ADIPOR2: variants seen among roughly 807,000 people sequenced by gnomAD.
The protein encoded by ADIPOR2 is adiponectin receptor 2.
ADIPOR2 carries 18 observed loss-of-function variants against 40.9 expected under a neutral mutation model. The observed-to-expected ratio is 0.44, with a 90% confidence interval of 0.30 to 0.65. The LOEUF (loss-of-function observed/expected upper bound fraction) is 0.65. Among genes scored for constraint, ADIPOR2 ranks in the 30% least tolerant of loss-of-function variants. ADIPOR2 has a pLI of 0.09. For synonymous variants in ADIPOR2, 165 were observed against 166.4 expected, an observed-to-expected ratio of 0.99 and a Z score of 0.06; for missense variants, 283 against 479.2, an observed-to-expected ratio of 0.59 and a Z score of 3.82.
At chr12:1,765,842 C>A (rs945938329) in intron 2 of ADIPOR2, among the ~76,000 whole-genome samples, 2 of 152,052 alleles carry the variant, frequency 1.3e-5, no homozygotes, top group African/African-American at 4.8e-5. Flanking sequence ...GTCCACTCCC[C>A]CATCAGCTTT....
chr12:1,780,282 G>T, intron 4 of ADIPOR2, 169 bp from the exon 5 acceptor site: 1 of 592,688 alleles, frequency 1.7e-6, no homozygotes, highest in Non-Finnish European at 2.7e-6. Context: ...CAACAATGTT[G>T]GAAGTAAACC....
intron 1 of ADIPOR2, among the ~76,000 whole-genome samples, chr12:1,734,662 C>G (rs528649061): frequency 2.0e-5 from 3 of 152,186 alleles, no homozygotes; most frequent in Non-Finnish European, 4.4e-5. Context: ...GTGTTTTAGA[C>G]ATGAAGTCCT....
At position 1,764,685 on chromosome 12, in the gene ADIPOR2, A is replaced by G. The variant is rs560719596; in HGVS notation, c.172-8157A>G. Among the ~76,000 whole-genome samples, 18 of 152,194 alleles carry G rather than the reference A, an allele frequency of 1.2e-4. No individual in the cohort carries two copies. The South Asian group carries it at 3.5e-3, about 30-fold the overall frequency. Reference sequence around the variant, plus strand: ...CTGGAGGTCTCTTTATTACCTCCTCATAGTAACTGCCTATTCCCACTCCCC... The same window carrying G: ...CTGGAGGTCTCTTTATTACCTCCTCGTAGTAACTGCCTATTCCCACTCCCC... On this transcript the variant is annotated intron_variant, in intron 2 of 7. Coordinates refer to ENST00000357103, the MANE Select transcript of ADIPOR2 (RefSeq NM_024551.3).
intron 1 of ADIPOR2, among the ~76,000 whole-genome samples, chr12:1,737,690 C>T (rs1218842270): frequency 6.6e-6 from 1 of 152,086 alleles, no homozygotes; most frequent in African/African-American, 2.4e-5. Flanking sequence ...TCGAGCAATT[C>T]TTGTGCCCCA....
intron 1 of ADIPOR2, among the ~76,000 whole-genome samples, chr12:1,728,395 C>T (rs966248317): frequency 6.6e-6 from 1 of 151,844 alleles, no homozygotes; most frequent in African/African-American, 2.4e-5. Context: ...CAGGCATGAA[C>T]ACCACACCTG....
At chr12:1,756,835 A>G (rs998404716) in intron 2 of ADIPOR2, among the ~76,000 whole-genome samples, 2 of 152,164 alleles carry the variant, frequency 1.3e-5, no homozygotes, top group African/African-American at 2.4e-5. Flanking sequence ...CAAATCAACA[A>G]GACTTCCTGA....
intron 2 of ADIPOR2, among the ~76,000 whole-genome samples, chr12:1,769,860 A>C (rs1255030097): frequency 6.6e-6 from 1 of 151,952 alleles, no homozygotes; most frequent in Non-Finnish European, 1.5e-5. Flanking sequence ...TTCTTTTATA[A>C]AGATTCTGAA....
chr12:1,708,292 G>C (rs528139449), intron 1 of ADIPOR2, among the ~76,000 whole-genome samples: 1 of 151,916 alleles, frequency 6.6e-6, no homozygotes, highest in Non-Finnish European at 1.5e-5. Flanking sequence ...GTCCACCAGG[G>C]ATACCGAGAG....
intron 1 of ADIPOR2, among the ~76,000 whole-genome samples, chr12:1,708,469 C>T (rs990231988): frequency 3.9e-5 from 6 of 152,254 alleles, no homozygotes; most frequent in African/African-American, 1.4e-4. Flanking sequence ...TAAAGATTTT[C>T]ACCTGTGTTT....
intron 2 of ADIPOR2, among the ~76,000 whole-genome samples, chr12:1,754,750 T>TACTACTAC (rs1424151217): frequency 1.5e-5 from 2 of 133,386 alleles, no homozygotes; most frequent in Admixed American, 1.5e-4. Flanking sequence ...ACTACTACTA[T>TACTACTAC]TGAGACGGAG....
chr12:1,701,382 A>G (rs1029911323), intron 1 of ADIPOR2, among the ~76,000 whole-genome samples: 1 of 152,086 alleles, frequency 6.6e-6, no homozygotes, highest in African/African-American at 2.4e-5. Flanking sequence ...CGGCCTCCCA[A>G]AAGTGCTGGG....
chr12:1,749,084 T>C (rs1387625460), intron 1 of ADIPOR2, among the ~76,000 whole-genome samples: 2 of 152,206 alleles, frequency 1.3e-5, no homozygotes, highest in Non-Finnish European at 2.9e-5. Context: ...AGGGAAACAC[T>C]TATTTACGCT....
chr12:1,713,700 A>G (rs11061941), intron 1 of ADIPOR2, among the ~76,000 whole-genome samples: 6,760 of 152,136 alleles, frequency 0.044, 261 homozygotes, highest in East Asian at 0.17. Flanking sequence ...AGGCATAACA[A>G]GAAAGGCATG....
chr12:1,711,666 G>A (rs566570573), intron 1 of ADIPOR2, among the ~76,000 whole-genome samples: 9 of 149,422 alleles, frequency 6.0e-5, no homozygotes, highest in African/African-American at 2.0e-4. Context: ...CTTCTTTTCT[G>A]TCTCTTCCTC....
intron 1 of ADIPOR2, among the ~76,000 whole-genome samples, chr12:1,742,293 G>C (rs1159783659): frequency 6.6e-6 from 1 of 152,130 alleles, no homozygotes. Flanking sequence ...GAGTCTTGCC[G>C]TGTTGCCCAG....
At chr12:1,720,208 A>T (rs1313494145) in intron 1 of ADIPOR2, among the ~76,000 whole-genome samples, 5 of 152,118 alleles carry the variant, frequency 3.3e-5, no homozygotes, top group Non-Finnish European at 5.9e-5. Flanking sequence ...CTTATTTTTG[A>T]TGTGTGAATA....
chr12:1,719,482 A>G (rs1321766318), intron 1 of ADIPOR2, among the ~76,000 whole-genome samples: 1 of 152,220 alleles, frequency 6.6e-6, no homozygotes, highest in African/African-American at 2.4e-5. Context: ...CTATATGAAC[A>G]TGGATAAGTT....
intron 2 of ADIPOR2, among the ~76,000 whole-genome samples, chr12:1,759,974 C>T (rs548375197): frequency 4.0e-5 from 6 of 151,836 alleles, no homozygotes; most frequent in African/African-American, 7.2e-5. Flanking sequence ...TGCAGTGAAC[C>T]GAGATTGCAC....
chr12:1,740,153 A>G (rs2094739545), intron 1 of ADIPOR2, among the ~76,000 whole-genome samples: 1 of 152,196 alleles, frequency 6.6e-6, no homozygotes. Flanking sequence ...GATTATGATG[A>G]TGCCTACCTT....
Sources: allele counts gnomAD v4.1 joint callset (sites outside exome capture counted in the v4.1 genomes callset), GRCh38; gene constraint gnomAD v4.1.1; transcripts MANE v1.5; gene names NCBI Gene and HGNC (gene_info 2026-07-23, HGNC 2026-07-21).